The following CAMTA1 variants were observed in gnomAD, a reference collection of about 807,000 sequenced individuals.
CAMTA1 encodes the protein calmodulin binding transcription activator 1, also known as calmodulin-binding transcription activator 1.
In CAMTA1, 27 loss-of-function variants were observed where a neutral mutation model predicts 170.9. The ratio of observed to expected loss-of-function variants is 0.16; its 90% CI spans 0.12 to 0.22. CAMTA1 has a LOEUF of 0.22. CAMTA1 is among the 10% of genes least tolerant of loss of function. The probability of loss-of-function intolerance (pLI) is 1.00; values close to 1 mark genes in which losing one functional copy is unlikely to be tolerated. For synonymous variants in CAMTA1, 833 were observed against 891.5 expected, an observed-to-expected ratio of 0.93 and a Z score of 1.17; for missense variants, 1,619 against 2,217.2, an observed-to-expected ratio of 0.73 and a Z score of 5.42.
At chr1:7,467,697 G>C (rs1403733468) in intron 5 of CAMTA1, 133 bp from the exon 6 acceptor site, 1 of 823,896 alleles carries the variant, frequency 1.2e-6, no homozygotes, top group Non-Finnish European at 2.1e-6. Flanking sequence ...GCCAGACGCA[G>C]AGGTGCCCTC....
intron 3 of CAMTA1, among the ~76,000 whole-genome samples, chr1:7,049,746 A>T (rs1250813925): frequency 6.6e-6 from 1 of 152,150 alleles, no homozygotes; most frequent in Non-Finnish European, 1.5e-5. Flanking sequence ...AGTGCAAGAG[A>T]TTACATGCCT....
intron 5 of CAMTA1, among the ~76,000 whole-genome samples, chr1:7,400,695 T>C (rs1201217860): frequency 6.6e-6 from 1 of 152,190 alleles, no homozygotes; most frequent in Non-Finnish European, 1.5e-5. Flanking sequence ...GTGCATTGGC[T>C]TTGGTTCCAG....
chr1:7,721,654 C>A (rs1277262390), intron 11 of CAMTA1, among the ~76,000 whole-genome samples: 1 of 152,078 alleles, frequency 6.6e-6, no homozygotes, highest in Non-Finnish European at 1.5e-5. Flanking sequence ...AAAGAACAGT[C>A]CATTCTGTGT....
chr1:7,548,659 C>G (rs2094744023), intron 6 of CAMTA1, among the ~76,000 whole-genome samples: 4 of 141,146 alleles, frequency 2.8e-5, no homozygotes, highest in Admixed American at 2.1e-4. Flanking sequence ...AGGGTGCCCC[C>G]TTAGGGGTGG....
In CAMTA1 at chr1:7,435,133, C is replaced by T. The variant is rs2092307209; in HGVS notation, c.439-32697C>T. 1.3e-5 allele frequency among the ~76,000 whole-genome samples: 2 copies of T among 152,142 alleles called. No homozygotes were observed. Among genetic ancestry groups the T allele is most frequent in the African/African-American group, 4.8e-5 (2 of 41,408 alleles). On this transcript the variant is annotated intron_variant, in intron 5 of 22. Transcript: ENST00000303635. This position sits in a 1 kb window ranked among gnomAD's most constrained non-coding sequence, Gnocchi z 4.4. ...AGCCTTTTTTATAAGGGCCTGAATC[C>T]CATTTTGGCAGGAGGAGCTCTCATG...
Position 7,665,076 on chromosome 1 carries a change from G to T in CAMTA1, c.2529G>T (p.Met843Ile). 1 of 1,558,600 alleles carries T rather than the reference G, an allele frequency of 6.4e-7. No homozygotes were observed. Among genetic ancestry groups the T allele is most frequent in the Non-Finnish European group, 8.7e-7 (1 of 1,152,460 alleles). Reference protein sequence around the residue: ...LSSSEGGASTMAYMHVAEVVS... With the variant: ...LSSSEGGASTIAYMHVAEVVS... ...GCTCGGAGGGCGGGGCCAGCACCAT[G>T]GCCTACATGCACGTCGCCGAGGTGG... The change falls in exon 9 of 23, where the codon ATG (methionine) becomes ATT (isoleucine). Residue 843 changes from methionine to isoleucine, a missense_variant. Met to Ile is a conservative substitution (Grantham distance 10). Transcript: ENST00000303635. The surrounding 1 kb of genome is among the most constrained non-coding windows in gnomAD (Gnocchi z 4.3).
intron 4 of CAMTA1, among the ~76,000 whole-genome samples, chr1:7,176,245 C>T (rs960552767): frequency 1.3e-5 from 2 of 152,234 alleles, no homozygotes; most frequent in South Asian, 2.1e-4. Context: ...GCACTTGTCA[C>T]TGCAGCTGGA....
chr1:7,577,114 G>T (rs2095204376), intron 6 of CAMTA1, among the ~76,000 whole-genome samples: 1 of 152,298 alleles, frequency 6.6e-6, no homozygotes, highest in South Asian at 2.1e-4. Flanking sequence ...GGACTGATTG[G>T]TGTGAGGGAT....
chr1:7,667,458 C>T (rs1360250935), intron 9 of CAMTA1, among the ~76,000 whole-genome samples: 2 of 152,102 alleles, frequency 1.3e-5, no homozygotes, highest in East Asian at 1.9e-4. Flanking sequence ...GGGGTGGCCT[C>T]GAGGCACTCC....
intron 3 of CAMTA1, among the ~76,000 whole-genome samples, chr1:7,012,449 C>T (rs1237040257): frequency 6.6e-6 from 1 of 152,162 alleles, no homozygotes; most frequent in East Asian, 1.9e-4. Flanking sequence ...CTCCCTGGAT[C>T]TTCCCGTCAG....
chr1:7,270,448 C>T (rs1669629759), intron 5 of CAMTA1, among the ~76,000 whole-genome samples: 1 of 151,808 alleles, frequency 6.6e-6, no homozygotes, highest in Admixed American at 6.6e-5. Flanking sequence ...GCACCCACCA[C>T]CACGCCTGGC....
intron 22 of CAMTA1, among the ~76,000 whole-genome samples, chr1:7,759,642 T>A (rs2096960107): frequency 2.0e-5 from 3 of 152,252 alleles, no homozygotes; most frequent in African/African-American, 4.8e-5. Flanking sequence ...GAAGGATTTT[T>A]AAGGTTTAAG....
intron 5 of CAMTA1, among the ~76,000 whole-genome samples, chr1:7,282,253 C>T (rs1276689101): frequency 6.6e-6 from 1 of 152,190 alleles, no homozygotes; most frequent in East Asian, 1.9e-4. Flanking sequence ...ACCTGTGTCG[C>T]CTGACATGGC....
In CAMTA1 at chr1:7,736,404, G is replaced by A. The variant is rs376194706; in HGVS notation, c.3127G>A (p.Glu1043Lys). The stretch of plus-strand genomic sequence containing the variant: ...TGAGAGCCGTGTGGTCGTGGTATGC[G>A]AGAAGATGATGAGCCGAGCCTGCTG... ...CFESRVVVVC[E>K]KMMSRACWAK... is the part of the protein sequence containing the mutation. The change falls in exon 13 of 23, where the codon GAG becomes AAG. Residue 1043 changes from glutamate (E) to lysine (K), a missense_variant. Physicochemically the swap from Glu to Lys is moderately conservative, Grantham distance 56. Transcript: ENST00000303635. This position sits in a 1 kb window ranked among gnomAD's most constrained non-coding sequence, Gnocchi z 4.5. The A allele has an allele frequency of 1.3e-4, 212 of 1,613,960 alleles. No homozygotes were observed. The highest frequency in any genetic ancestry group is 1.7e-4 in the Non-Finnish European group (204 of 1,180,024).
intron 3 of CAMTA1, among the ~76,000 whole-genome samples, chr1:6,922,369 A>G (rs193230360): frequency 5.0e-4 from 74 of 146,776 alleles, no homozygotes; most frequent in African/African-American, 1.8e-3. Flanking sequence ...ATTTATTATT[A>G]TCACCTCTCT....
intron 4 of CAMTA1, among the ~76,000 whole-genome samples, chr1:7,120,080 A>G (rs1439739011): frequency 2.0e-5 from 3 of 152,190 alleles, no homozygotes; most frequent in Non-Finnish European, 4.4e-5. Context: ...TCAAGATCAC[A>G]CAGATGGCAA....
intron 5 of CAMTA1, among the ~76,000 whole-genome samples, chr1:7,391,527 C>A (rs763603005): frequency 1.3e-5 from 2 of 152,112 alleles, no homozygotes; most frequent in African/African-American, 2.4e-5. Context: ...GTAAAAATTC[C>A]GACTTTCTGT....
At chr1:7,046,127 CTCAGA>C (rs1406399706) in intron 3 of CAMTA1, among the ~76,000 whole-genome samples, 1 of 152,222 alleles carries the variant, frequency 6.6e-6, no homozygotes, top group Non-Finnish European at 1.5e-5. Context: ...AAAGTCTGAT[CTCAGA>C]TCTGCCTCTG....
rs1646043522 is a variant in CAMTA1, at chr1:7,144,124, G to A, written c.302+52753G>A. 6.6e-6 allele frequency among the ~76,000 whole-genome samples: 1 copy of A among 152,148 alleles called. No individual in the cohort carries two copies. Among genetic ancestry groups the A allele is most frequent in the Admixed American group, 6.5e-5 (1 of 15,276 alleles). On this transcript the variant is annotated intron_variant, in intron 4 of 22. Transcript: ENST00000303635. The surrounding 1 kb of genome is among the most constrained non-coding windows in gnomAD (Gnocchi z 4.0). ...ACAGACATTTATTTTCTTATGTTCT[G>A]GAGGCTGGAAGTCTGAGATCAGGGT... is the stretch of plus-strand genomic sequence containing the variant.
Sources: allele counts gnomAD v4.1 joint callset (sites outside exome capture counted in the v4.1 genomes callset), GRCh38; gene constraint gnomAD v4.1.1; non-coding constraint Gnocchi (gnomAD v3.1); transcripts MANE v1.5; gene names NCBI Gene and HGNC (gene_info 2026-07-23, HGNC 2026-07-21).